The following PARD6B variants were observed in gnomAD, a reference collection of about 807,000 sequenced individuals.
PARD6B encodes par-6 family cell polarity regulator beta.
A neutral mutation model predicts 10.5 loss-of-function variants in PARD6B; 4 were observed. That is an observed-to-expected ratio of 0.38 (90% CI 0.19 to 0.87). The LOEUF is 0.87. Ranked by LOEUF, PARD6B falls within the 40% of genes least tolerant of loss-of-function variation. The pLI, the probability that PARD6B is intolerant of heterozygous loss-of-function variation, is 0.41. For missense variants in PARD6B, 396 were observed against 470.6 expected (o/e 0.84, Z 1.47); for synonymous variants, 169 against 170.4 (o/e 0.99, Z 0.07).
chr20:50,734,738 C>T (rs1005746066), intron 1 of PARD6B, among the ~76,000 whole-genome samples: 1 of 151,992 alleles, frequency 6.6e-6, no homozygotes, highest in Non-Finnish European at 1.5e-5. Context: ...TCATGTTGGT[C>T]TCTAACTCCT....
intron 2 of PARD6B, among the ~76,000 whole-genome samples, chr20:50,747,417 T>TC (rs2123706929): frequency 1.3e-5 from 2 of 151,106 alleles, no homozygotes; most frequent in East Asian, 3.9e-4. Context: ...TTCAACTATT[T>TC]TGTGGAGGAG....
chr20:50,751,597 C>G lies in PARD6B; in HGVS notation c.*1109C>G. The G allele has an allele frequency of 1.0e-6, 1 of 973,706 alleles. No individual in the cohort carries two copies. Among genetic ancestry groups the G allele is most frequent in the South Asian group, 4.8e-5 (1 of 21,046 alleles). 60.3% of individuals were successfully genotyped at this position (973,706 alleles called of 1,614,324 possible). The stretch of plus-strand genomic sequence containing the variant: ...TCCTGACCTCCTGATCCGCCCGCCT[C>G]GGCCTCCCAAAGTGCTGGGATTACA... On this transcript the variant is annotated 3_prime_UTR_variant, in exon 3 of 3. Transcript: ENST00000371610.
At chr20:50,737,350 C>A (rs1233660282) in intron 1 of PARD6B, among the ~76,000 whole-genome samples, 2 of 152,188 alleles carry the variant, frequency 1.3e-5, no homozygotes, top group African/African-American at 4.8e-5. Context: ...TAGGGAAGAT[C>A]ATACCTTAAC....
Position 50,737,905 on chromosome 20 carries a change from A to G in PARD6B, c.115A>G (p.Lys39Glu). 6.2e-7 allele frequency: 1 copy of G among 1,609,252 alleles called. No individual in the cohort carries two copies. Among genetic ancestry groups the G allele is most frequent in the Non-Finnish European group, 8.5e-7 (1 of 1,177,992 alleles). ...RFSLERSKPG[K>E]FEEFYGLLQH... Reference sequence around the variant, plus strand: ...TTCGCTGGAAAGATCAAAACCTGGAAAATTTGAGGAGTTTTATGGATTACT... The same window carrying G: ...TTCGCTGGAAAGATCAAAACCTGGAGAATTTGAGGAGTTTTATGGATTACT... The change falls in exon 2 of 3, where the codon AAA (lysine) becomes GAA (glutamate). Residue 39 changes from lysine to glutamate, a missense_variant. Physicochemically the swap from Lys to Glu is moderately conservative, Grantham distance 56. Coordinates refer to ENST00000371610, the MANE Select transcript of PARD6B (RefSeq NM_032521.3).
Position 50,749,868 on chromosome 20 carries a change from A to T in PARD6B, c.499A>T (p.Lys167Ter). The T allele has an allele frequency of 6.2e-7, 1 of 1,614,160 alleles. No individual in the cohort carries two copies. The highest frequency in any genetic ancestry group is 8.5e-7 in the Non-Finnish European group (1 of 1,180,022). ...RVRLYKYGTEKPLGFYIRDGS... is the reference protein window; with the variant it reads ...RVRLYKYGTE ...ACGTCTTTACAAATACGGCACGGAG[A>T]AACCCCTAGGATTCTACATCCGGGA... is the stretch of plus-strand genomic sequence containing the variant. Residue 167 changes from lysine (K) to a stop codon, truncating the protein, a stop_gained, in exon 3 of 3, where the codon AAA becomes TAA. Transcript: ENST00000371610. LOFTEE classifies it low-confidence loss of function (END_TRUNC).
intron 2 of PARD6B, among the ~76,000 whole-genome samples, chr20:50,739,124 T>C (rs1022902487): frequency 3.3e-5 from 5 of 151,862 alleles, no homozygotes; most frequent in Non-Finnish European, 7.4e-5. Context: ...AATTAAAGAC[T>C]TACGGTATTT....
intron 2 of PARD6B, among the ~76,000 whole-genome samples, chr20:50,739,492 T>C (rs1257737791): frequency 7.2e-5 from 11 of 152,012 alleles, no homozygotes; most frequent in Admixed American, 7.2e-4. Flanking sequence ...GGATTATCTT[T>C]GAAGGTGAAA....
chr20:50,745,747 T>C lies in PARD6B; in HGVS notation c.290-3912T>C, dbSNP rs574074013. Among the ~76,000 whole-genome samples, 16 of 152,290 alleles carry C rather than the reference T, an allele frequency of 1.1e-4. No individual in the cohort carries two copies. In the South Asian group the frequency reaches 3.1e-3, roughly 30 times the overall value. ...GTCTTAAACTACTAAGCTGAAGCAG[T>C]CCTCTCACCTCGCCCTTCCAAAGTG... On this transcript the variant is annotated intron_variant, in intron 2 of 2. Coordinates refer to ENST00000371610, the MANE Select transcript of PARD6B (RefSeq NM_032521.3).
rs768668443 is a variant in PARD6B at position 50,749,758 on chromosome 20, A to G, written c.389A>G (p.His130Arg). ...LRPDNHRKKP[H>R]IVISMPQDFR... ...CCTGACAACCATAGAAAAAAGCCAC[A>G]TATAGTCATTAGTATGCCCCAAGAC... The change falls in exon 3 of 3, where the codon CAT (histidine) becomes CGT (arginine). Residue 130 changes from histidine to arginine, a missense_variant. This residue lies in a region of PARD6B where 208 missense variants were observed against 300.9 expected (regional missense o/e 0.69). Transcript: ENST00000371610. 1.2e-5 allele frequency: 20 copies of G among 1,614,100 alleles called. 1 individual carries two copies. In the South Asian group the frequency reaches 1.6e-4, roughly 13 times the overall value.
chr20:50,740,237 A>G (rs1449052578), intron 2 of PARD6B, among the ~76,000 whole-genome samples: 1 of 152,208 alleles, frequency 6.6e-6, no homozygotes, highest in Non-Finnish European at 1.5e-5. Flanking sequence ...AGAACCTTGG[A>G]AAGCTATATA....
chr20:50,747,052 A>C (rs2087571015), intron 2 of PARD6B, among the ~76,000 whole-genome samples: 1 of 152,164 alleles, frequency 6.6e-6, no homozygotes, highest in Non-Finnish European at 1.5e-5. Context: ...CAAGGGGAAA[A>C]AAATGCCAAA....
chr20:50,735,520 C>T (rs1166991204), intron 1 of PARD6B, among the ~76,000 whole-genome samples: 1 of 152,198 alleles, frequency 6.6e-6, no homozygotes, highest in Admixed American at 6.5e-5. Flanking sequence ...ATGGCTAGGG[C>T]AAACTAGGCT....
At chr20:50,734,663 C>A (rs1201974412) in intron 1 of PARD6B, among the ~76,000 whole-genome samples, 1 of 151,928 alleles carries the variant, frequency 6.6e-6, no homozygotes, top group Non-Finnish European at 1.5e-5. Flanking sequence ...CCTAGCTGGT[C>A]CATTTTTCTC....
At position 50,750,194 on chromosome 20, in the gene PARD6B, C is replaced by T. The variant is rs2087593068; in HGVS notation, c.825C>T (p.Gly275=). The T allele has an allele frequency of 2.5e-6, 4 of 1,614,068 alleles. No homozygotes were observed. The Admixed American group carries it at 5.0e-5, about 20-fold the overall frequency. ...SGQSTDNSLL[G]YPQQIEPSFE... The stretch of plus-strand genomic sequence containing the variant: ...AGTCTACTGATAACAGCCTTCTTGG[C>T]TACCCACAGCAGATTGAACCAAGCT... Residue 275 remains glycine, a synonymous_variant, in exon 3 of 3, where the codon GGC becomes GGT. Transcript: ENST00000371610.
intron 2 of PARD6B, among the ~76,000 whole-genome samples, chr20:50,746,377 G>A (rs1386747604): frequency 2.6e-5 from 4 of 152,232 alleles, no homozygotes; most frequent in Admixed American, 1.3e-4. Flanking sequence ...ATCATTGGCT[G>A]AAGAAAAGGC....
At position 50,750,178 on chromosome 20, in the gene PARD6B, A is replaced by T. The variant is rs3810537; in HGVS notation, c.809A>T (p.Asp270Val). 2 of 1,614,232 alleles carry T rather than the reference A, an allele frequency of 1.2e-6. No individual in the cohort carries two copies. Among genetic ancestry groups the T allele is most frequent in the South Asian group, 2.2e-5 (2 of 91,092 alleles). Residue 270 changes from aspartate (D) to valine (V), a missense_variant, in exon 3 of 3, where the codon GAT becomes GTT. Coordinates refer to ENST00000371610, the MANE Select transcript of PARD6B (RefSeq NM_032521.3). Reference sequence around the variant, plus strand: ...TCTGGCAGTTCCGGTCAGTCTACTGATAACAGCCTTCTTGGCTACCCACAG... The same window carrying T: ...TCTGGCAGTTCCGGTCAGTCTACTGTTAACAGCCTTCTTGGCTACCCACAG... ...RTSGSSGQST[D>V]NSLLGYPQQI...
intron 1 of PARD6B, among the ~76,000 whole-genome samples, chr20:50,733,830 A>G (rs973046861): frequency 9.2e-5 from 14 of 152,252 alleles, no homozygotes; most frequent in African/African-American, 3.1e-4. Flanking sequence ...CCACAGAAAA[A>G]AATGAGTAGG....
At position 50,751,362 on chromosome 20, in the gene PARD6B, T is replaced by C. The variant is rs2087608350; in HGVS notation, c.*874T>C. Reference sequence around the variant, plus strand: ...TTTTCTTTTCTTTCTTTTTTTTTTTTTTTTTTTTTTTGAGATGGAGTCTCG... The same window carrying C: ...TTTTCTTTTCTTTCTTTTTTTTTTTCTTTTTTTTTTTGAGATGGAGTCTCG... On this transcript the variant is annotated 3_prime_UTR_variant, in exon 3 of 3. Transcript: ENST00000371610. 1.1e-6 allele frequency: 1 copy of C among 909,760 alleles called. No homozygotes were observed. The highest frequency in any genetic ancestry group is 1.3e-6 in the Non-Finnish European group (1 of 772,952). 56.4% of individuals were successfully genotyped at this position (909,760 alleles called of 1,614,324 possible).
intron 1 of PARD6B, among the ~76,000 whole-genome samples, chr20:50,734,695 T>TA (rs1317279945): frequency 2.0e-5 from 3 of 152,028 alleles, no homozygotes; most frequent in Non-Finnish European, 4.4e-5. Flanking sequence ...AATTTTTTTT[T>TA]ATCTTTTTAG....
Sources: allele counts gnomAD v4.1 joint callset (sites outside exome capture counted in the v4.1 genomes callset), GRCh38; gene constraint gnomAD v4.1.1; regional missense constraint gnomAD v4.1.1; transcripts MANE v1.5; gene names NCBI Gene and HGNC (gene_info 2026-07-23, HGNC 2026-07-21).